EPB41L1: variants seen among roughly 807,000 people sequenced by gnomAD.
EPB41L1 encodes erythrocyte membrane protein band 4.1 like 1, also known as band 4.1-like protein 1.
Under a neutral mutation model 97.8 loss-of-function variants are expected in EPB41L1, and 29 were observed. That is an observed-to-expected ratio of 0.30 (90% confidence interval 0.22 to 0.40). The LOEUF is 0.40. EPB41L1 is among the 10% of genes least tolerant of loss of function. The pLI, the probability that EPB41L1 is intolerant of heterozygous loss-of-function variation, is 1.00. For missense variants in EPB41L1, 812 were observed against 1,162.3 expected, an observed-to-expected ratio of 0.70 and a Z score of 4.38; for synonymous variants, 383 against 459.2, an observed-to-expected ratio of 0.83 and a Z score of 2.12.
At chr20:36,218,032 C>T (rs540699475) in intron 17 of EPB41L1, among the ~76,000 whole-genome samples, 1 of 152,252 alleles carries the variant, frequency 6.6e-6, no homozygotes, top group South Asian at 2.1e-4. Context: ...GGCAGTAAGT[C>T]AGGGGACAAT....
At chr20:36,180,411 G>A (rs2061429952) in intron 5 of EPB41L1, among the ~76,000 whole-genome samples, 1 of 152,158 alleles carries the variant, frequency 6.6e-6, no homozygotes, top group Non-Finnish European at 1.5e-5. Context: ...CCACCCCTCT[G>A]GGCCCCTGCT....
At chr20:36,145,255 G>A (rs1016716306) in intron 2 of EPB41L1, among the ~76,000 whole-genome samples, 1 of 152,064 alleles carries the variant, frequency 6.6e-6, no homozygotes, top group Middle Eastern at 3.2e-3. Flanking sequence ...GCCGGTTGTG[G>A]TGGTGGGTGC....
chr20:36,140,518 G>C (rs894025552), intron 2 of EPB41L1, among the ~76,000 whole-genome samples: 12 of 152,174 alleles, frequency 7.9e-5, no homozygotes, highest in Middle Eastern at 3.4e-3. Context: ...ACTTCTCAAG[G>C]GTGGTTGTAA....
At chr20:36,152,960 G>C (rs2060114483), upstream of EPB41L1, 1 of 456,118 alleles carries the variant, frequency 2.2e-6, no homozygotes, top group South Asian at 1.5e-5. Flanking sequence ...CCCACCTTCT[G>C]TCTGGAGGGT....
intron 2 of EPB41L1, among the ~76,000 whole-genome samples, chr20:36,136,338 GT>G (rs60257818): frequency 0.022 from 2,530 of 113,944 alleles, 38 homozygotes; most frequent in African/African-American, 0.067. Context: ...GCCCGGCTAA[GT>G]TTTTTTTTTT....
chr20:36,204,792 C>A (rs903544421), intron 14 of EPB41L1, among the ~76,000 whole-genome samples: 5 of 152,082 alleles, frequency 3.3e-5, no homozygotes, highest in African/African-American at 1.2e-4. Context: ...CAGGTGCATG[C>A]CACCATGTCT....
chr20:36,173,808 G>T lies in EPB41L1; in HGVS notation c.31G>T (p.Val11Leu), dbSNP rs756943586. The T allele has an allele frequency of 6.2e-7, 1 of 1,614,166 alleles. No individual in the cohort carries two copies. Among genetic ancestry groups the T allele is most frequent in the South Asian group, 1.1e-5 (1 of 91,074 alleles). The stretch of plus-strand genomic sequence containing the variant: ...AACAGAGACAGGCCCCGACTCTGAG[G>T]TGAAGAAAGCTCAGGAGGAGGCCCC... MTTETGPDSEVKKAQEEAPQQ... is the reference protein window; with the variant it reads MTTETGPDSELKKAQEEAPQQ... Residue 11 changes from valine (V) to leucine (L), a missense_variant, in exon 2 of 22, where the codon GTG becomes TTG. Physicochemically the swap from Val to Leu is conservative, Grantham distance 32 (BLOSUM62 1). This residue lies in a region of EPB41L1 where 84 missense variants were observed against 94.3 expected (regional missense o/e 0.89). Coordinates refer to ENST00000338074, the MANE Select transcript of EPB41L1 (RefSeq NM_012156.2).
chr20:36,149,308 G>A (rs540352624), intron 2 of EPB41L1, among the ~76,000 whole-genome samples: 4 of 152,302 alleles, frequency 2.6e-5, no homozygotes, highest in African/African-American at 4.8e-5. Flanking sequence ...CACTAGATAC[G>A]TATGGAAAAG....
At chr20:36,174,269 T>C (rs1440674537) in intron 2 of EPB41L1, among the ~76,000 whole-genome samples, 1 of 141,846 alleles carries the variant, frequency 7.0e-6, no homozygotes. Context: ...TTTAACTTTC[T>C]TTTTTTTTTT....
chr20:36,192,664 G>A (rs2062017535), intron 11 of EPB41L1, among the ~76,000 whole-genome samples: 1 of 152,116 alleles, frequency 6.6e-6, no homozygotes, highest in Non-Finnish European at 1.5e-5. Flanking sequence ...TTATATGTGT[G>A]CCAGGCCTTG....
chr20:36,106,727 G>T (rs1166774577), intron 1 of EPB41L1, among the ~76,000 whole-genome samples: 1 of 152,366 alleles, frequency 6.6e-6, no homozygotes, highest in South Asian at 2.1e-4. Context: ...ATCAGCCCAG[G>T]CCCTCAAGGA....
chr20:36,219,068 C>A, intron 18 of EPB41L1, 106 bp downstream of exon 18: 1 of 1,202,864 alleles, frequency 8.3e-7, no homozygotes, highest in South Asian at 1.3e-5. Context: ...AGAAGGCACC[C>A]TTCTAGGTGC....
Position 36,163,496 on chromosome 20 carries a change from T to C in EPB41L1, c.-15+8600T>C, listed in dbSNP as rs141727560. Among the ~76,000 whole-genome samples, 171 of 152,300 alleles carry C rather than the reference T, an allele frequency of 1.1e-3. 1 individual carries two copies. The Middle Eastern group carries it at 0.014, about 12-fold the overall frequency. On this transcript the variant is annotated intron_variant, in intron 1 of 21. Coordinates refer to ENST00000338074, the MANE Select transcript of EPB41L1 (RefSeq NM_012156.2). ...CCTTGACTTCTTAGCTTATTCTGCC[T>C]CTTCTCAGGCTCCCCTTATCCTAAG...
At chr20:36,170,182 T>C (rs988147217) in intron 1 of EPB41L1, among the ~76,000 whole-genome samples, 5 of 152,250 alleles carry the variant, frequency 3.3e-5, no homozygotes, top group Non-Finnish European at 7.3e-5. Context: ...TATAAATTTT[T>C]AAAAGGTTTA....
At chr20:36,099,079 G>A (rs1369429753) in intron 1 of EPB41L1, among the ~76,000 whole-genome samples, 1 of 152,176 alleles carries the variant, frequency 6.6e-6, no homozygotes, top group Non-Finnish European at 1.5e-5. Context: ...TGAGACAGGA[G>A]AATTGCTTGA....
intron 19 of EPB41L1, among the ~76,000 whole-genome samples, chr20:36,221,134 C>T (rs1326767807): frequency 1.3e-5 from 2 of 152,238 alleles, no homozygotes; most frequent in African/African-American, 2.4e-5. Context: ...GGAGCCCCCT[C>T]TTCTTTCTAT....
At chr20:36,180,510 G>T (rs1288333257) in intron 5 of EPB41L1, among the ~76,000 whole-genome samples, 2 of 152,210 alleles carry the variant, frequency 1.3e-5, no homozygotes, top group African/African-American at 2.4e-5. Flanking sequence ...CAAGCACATA[G>T]TAGGTGCTCA....
chr20:36,105,544 T>C (rs1394143899), intron 1 of EPB41L1, among the ~76,000 whole-genome samples: 1 of 152,192 alleles, frequency 6.6e-6, no homozygotes, highest in East Asian at 1.9e-4. Flanking sequence ...TGAGCACCTA[T>C]TATGTGCCAG....
At chr20:36,138,083 T>G (rs2059487950) in intron 2 of EPB41L1, among the ~76,000 whole-genome samples, 1 of 152,226 alleles carries the variant, frequency 6.6e-6, no homozygotes, top group Non-Finnish European at 1.5e-5. Context: ...TTCCATTGTA[T>G]ATATGTACAA....
Sources: allele counts gnomAD v4.1 joint callset (sites outside exome capture counted in the v4.1 genomes callset), GRCh38; gene constraint gnomAD v4.1.1; regional missense constraint gnomAD v4.1.1; transcripts MANE v1.5; gene names NCBI Gene and HGNC (gene_info 2026-07-23, HGNC 2026-07-21).